The following TTC1 variants were observed in gnomAD, a reference collection of about 807,000 sequenced individuals.
TTC1 encodes the protein tetratricopeptide repeat domain 1.
Under a neutral mutation model 37.6 loss-of-function variants are expected in TTC1, and 31 were observed. The ratio of observed to expected loss-of-function variants is 0.82; its 90% CI spans 0.62 to 1.11. TTC1 has a LOEUF of 1.11. TTC1 is among the 50% of genes most tolerant of loss of function. The pLI is 0.00. For synonymous variants in TTC1, 127 were observed against 122.4 expected, an observed-to-expected ratio of 1.04 and a Z score of -0.25; for missense variants, 351 against 339.0, an observed-to-expected ratio of 1.04 and a Z score of -0.28.
intron 2 of TTC1, among the ~76,000 whole-genome samples, chr5:160,024,996 C>T (rs953403110): frequency 1.3e-5 from 2 of 152,034 alleles, no homozygotes; most frequent in Admixed American, 6.6e-5. Flanking sequence ...GCCATCATGC[C>T]CAGCTAATTT....
chr5:160,054,490 C>T (rs1390781201), intron 7 of TTC1, among the ~76,000 whole-genome samples: 1 of 152,108 alleles, frequency 6.6e-6, no homozygotes, highest in East Asian at 1.9e-4. Flanking sequence ...TAGCACAAGA[C>T]TGTGGTCCCA....
chr5:160,050,521 T>C (rs565263179), intron 6 of TTC1, among the ~76,000 whole-genome samples: 3 of 152,184 alleles, frequency 2.0e-5, no homozygotes, highest in Non-Finnish European at 4.4e-5. Flanking sequence ...ATCTGATATG[T>C]ATCCTTTCAA....
chr5:160,035,223 T>TA (rs1756982482), intron 3 of TTC1, 23 bp downstream of exon 3: 6 of 1,581,524 alleles, frequency 3.8e-6, no homozygotes, highest in Non-Finnish European at 5.1e-6. Context: ...TCAGCACTGA[T>TA]AATCTGGTCA....
chr5:160,020,090 A>G (rs1279268447), intron 2 of TTC1, among the ~76,000 whole-genome samples: 3 of 151,260 alleles, frequency 2.0e-5, no homozygotes, highest in African/African-American at 7.3e-5. Flanking sequence ...CACCACACCC[A>G]GCTAATTTTT....
intron 2 of TTC1, among the ~76,000 whole-genome samples, chr5:160,020,764 C>A (rs1256653537): frequency 6.6e-6 from 1 of 152,186 alleles, no homozygotes; most frequent in Non-Finnish European, 1.5e-5. Context: ...CCAGGTAGGA[C>A]CGTCTAGTTG....
intron 2 of TTC1, among the ~76,000 whole-genome samples, chr5:160,033,230 T>TA (rs2113366363): frequency 6.6e-6 from 1 of 152,072 alleles, no homozygotes; most frequent in Admixed American, 6.5e-5. Context: ...GCCATATTCT[T>TA]ATATTTTATT....
rs375765891 is a variant in TTC1 at position 160,065,105 on chromosome 5, G to A, written c.*40G>A. On this transcript the variant is annotated 3_prime_UTR_variant, in exon 8 of 8. Coordinates refer to ENST00000231238, the MANE Select transcript of TTC1 (RefSeq NM_003314.3). ...GCTTTACAAGCTGACTTGGAATTGTGTGCTGCTTGCTGTTAGCTAGGGGAA... is the reference window on the plus strand; with the variant it reads ...GCTTTACAAGCTGACTTGGAATTGTATGCTGCTTGCTGTTAGCTAGGGGAA... 1 of 1,596,298 alleles carries A rather than the reference G, an allele frequency of 6.3e-7. No homozygotes were observed. Among genetic ancestry groups the A allele is most frequent in the South Asian group, 1.1e-5 (1 of 88,028 alleles).
rs568615728 is a variant in TTC1 at position 160,010,016 on chromosome 5, C to T, written c.-29-484C>T. Among the ~76,000 whole-genome samples the T allele has an allele frequency of 4.6e-5, 7 of 152,218 alleles. No individual in the cohort carries two copies. The South Asian group carries it at 1.5e-3, about 32-fold the overall frequency. On this transcript the variant is annotated intron_variant, in intron 1 of 7. Transcript: ENST00000231238. ...CTTTTTCTTGGCACTGTTTTAGTTT[C>T]TGCCTAATTTTTGCTATCCAAACAG...
chr5:160,049,470 G>C, intron 5 of TTC1, 44 bp from the exon 6 acceptor site: 1 of 1,509,106 alleles, frequency 6.6e-7, no homozygotes, highest in Non-Finnish European at 8.9e-7. Context: ...AGATATGTAG[G>C]CCATTTTTCT....
At chr5:160,035,545 TC>T (rs1265473735) in intron 3 of TTC1, among the ~76,000 whole-genome samples, 2 of 152,264 alleles carry the variant, frequency 1.3e-5, no homozygotes, top group Non-Finnish European at 2.9e-5. Context: ...GAGTCGCCGC[TC>T]CTCACTTGCT....
intron 5 of TTC1, among the ~76,000 whole-genome samples, chr5:160,044,610 T>C (rs1757167594): frequency 6.6e-6 from 1 of 152,206 alleles, no homozygotes; most frequent in Non-Finnish European, 1.5e-5. Flanking sequence ...TGCATTATAA[T>C]TTGCATTTAG....
rs1753370752 is a variant in TTC1, at chr5:160,061,017, T to A, written c.746-3915T>A. 2.6e-5 allele frequency among the ~76,000 whole-genome samples: 4 copies of A among 152,228 alleles called. No individual in the cohort carries two copies. The South Asian group carries it at 8.3e-4, about 32-fold the overall frequency. ...TTCATTCTTCATTTTGCCACAGGAT[T>A]ACTAACCCTGAAAACTCAGTTCTCA... is the stretch of plus-strand genomic sequence containing the variant. On this transcript the variant is annotated intron_variant, in intron 7 of 7. Coordinates refer to ENST00000231238, the MANE Select transcript of TTC1 (RefSeq NM_003314.3).
chr5:160,036,645 C>A, intron 3 of TTC1, 46 bp from the exon 4 acceptor site: 1 of 1,307,750 alleles, frequency 7.6e-7, no homozygotes. Flanking sequence ...ATAGTAGTAT[C>A]AGGAATAAAA....
intron 7 of TTC1, among the ~76,000 whole-genome samples, chr5:160,055,214 A>G (rs1003596925): frequency 2.0e-5 from 3 of 152,178 alleles, no homozygotes; most frequent in African/African-American, 7.2e-5. Context: ...CCCAGCCAAG[A>G]AGTCTTTCAA....
Position 160,021,335 on chromosome 5 carries a change from A to G in TTC1, c.330+10477A>G, listed in dbSNP as rs1250017126. On this transcript the variant is annotated intron_variant, in intron 2 of 7. Coordinates refer to ENST00000231238, the MANE Select transcript of TTC1 (RefSeq NM_003314.3). ...CAAGAAGTATTGACCTAACCCGTAC[A>G]TTGACTGCATCCAACATCGGAAGAA... 2.6e-5 allele frequency among the ~76,000 whole-genome samples: 4 copies of G among 152,250 alleles called. No individual in the cohort carries two copies. In the East Asian group the frequency reaches 7.7e-4, roughly 29 times the overall value.
At chr5:160,012,010 T>C (rs1756510332) in intron 2 of TTC1, among the ~76,000 whole-genome samples, 1 of 152,180 alleles carries the variant, frequency 6.6e-6, no homozygotes, top group South Asian at 2.1e-4. Flanking sequence ...TTCGTTTTTG[T>C]GCTAGTGTGC....
chr5:160,009,359 A>G (rs1450155061), intron 1 of TTC1, among the ~76,000 whole-genome samples, 166 bp downstream of exon 1: 1 of 152,172 alleles, frequency 6.6e-6, no homozygotes, highest in Non-Finnish European at 1.5e-5. Context: ...TGTGGAGGCG[A>G]AGTCTCCGTA....
chr5:160,028,841 T>C (rs936987355), intron 2 of TTC1, among the ~76,000 whole-genome samples: 7 of 152,130 alleles, frequency 4.6e-5, no homozygotes, highest in African/African-American at 1.4e-4. Flanking sequence ...ACATCAGAAA[T>C]TCCACCTATT....
intron 4 of TTC1, among the ~76,000 whole-genome samples, chr5:160,041,586 T>G (rs543749578): frequency 5.2e-4 from 79 of 152,210 alleles, no homozygotes; most frequent in Non-Finnish European, 9.7e-4. Flanking sequence ...GTGCTGAGAT[T>G]ACAGGCATAA....
Sources: allele counts gnomAD v4.1 joint callset (sites outside exome capture counted in the v4.1 genomes callset), GRCh38; gene constraint gnomAD v4.1.1; transcripts MANE v1.5; gene names NCBI Gene and HGNC (gene_info 2026-07-23, HGNC 2026-07-21).